TNRC18: variants seen among roughly 807,000 people sequenced by gnomAD.
The protein encoded by TNRC18 is trinucleotide repeat-containing gene 18 protein.
Under a neutral mutation model 226.7 loss-of-function variants are expected in TNRC18, and 69 were observed. That is an observed-to-expected ratio of 0.30 (90% CI 0.25 to 0.37). The LOEUF (loss-of-function observed/expected upper bound fraction) is 0.37. Ranked by LOEUF, TNRC18 falls within the 10% of genes least tolerant of loss-of-function variation. The probability of loss-of-function intolerance (pLI) is 1.00; values close to 1 mark genes in which losing one functional copy is unlikely to be tolerated. For missense variants in TNRC18, 4,754 were observed against 4,256.6 expected, an observed-to-expected ratio of 1.12 and a Z score of -3.25; for synonymous variants, 2,449 against 1,927.6, an observed-to-expected ratio of 1.27 and a Z score of -7.09.
At position 5,325,105 on chromosome 7, in the gene TNRC18, C is replaced by T. The variant is rs1005670985; in HGVS notation, c.6291G>A (p.Val2097=). ...RSKAKAKGKE[V]KKENRGKGGA... is the part of the protein sequence containing the mutation. ...GCACGGTGAGCCTCACCTCCTTCTTCACCTCCTTCCCTTTGGCCTTGGCTT... is the reference window on the plus strand; with the variant it reads ...GCACGGTGAGCCTCACCTCCTTCTTTACCTCCTTCCCTTTGGCCTTGGCTT... Residue 2097 remains valine, a synonymous_variant, in exon 20 of 30, where the codon GTG becomes GTA. Transcript: ENST00000430969. 3.9e-6 allele frequency: 6 copies of T among 1,550,036 alleles called. No individual in the cohort carries two copies. Among genetic ancestry groups the T allele is most frequent in the Non-Finnish European group, 5.2e-6 (6 of 1,147,122 alleles).
In TNRC18 at chr7:5,325,410, G is replaced by C; in HGVS notation, c.6148-162C>G. On this transcript the variant is annotated intron_variant, in intron 19 of 29. Transcript: ENST00000430969. ...TCTCTCTCTTCCTGCAAGCGTTTTT[G>C]GTTTTGGGTTTTTTTTTGTTTTTTT... 3 of 769,570 alleles carry C rather than the reference G, an allele frequency of 3.9e-6. No homozygotes were observed. In the South Asian group the frequency reaches 5.8e-5, roughly 15 times the overall value. The allele number at this position is 769,570 out of a possible 1,614,324, so 47.7% of individuals were successfully genotyped here. A position where few individuals can be genotyped will look rare whatever the true frequency, so the allele number is the denominator to read the frequency against.
chr7:5,406,476 T>G (rs1781471150), intron 2 of TNRC18, among the ~76,000 whole-genome samples: 1 of 147,588 alleles, frequency 6.8e-6, no homozygotes. Flanking sequence ...AAAAATTTTT[T>G]TTTAATGTTT....
intron 2 of TNRC18, among the ~76,000 whole-genome samples, chr7:5,406,539 C>T (rs1254026417): frequency 6.6e-6 from 1 of 150,762 alleles, no homozygotes; most frequent in African/African-American, 2.4e-5. Context: ...ACAGTACTCA[C>T]ATTCACAGAG....
chr7:5,331,736 C>T (rs945560232), intron 19 of TNRC18, among the ~76,000 whole-genome samples: 2 of 152,092 alleles, frequency 1.3e-5, no homozygotes, highest in Non-Finnish European at 2.9e-5. Flanking sequence ...GCAGCAAGAC[C>T]TTGTCTATAC....
At chr7:5,340,002 G>A (rs1277933258) in intron 18 of TNRC18, among the ~76,000 whole-genome samples, 2 of 152,032 alleles carry the variant, frequency 1.3e-5, no homozygotes, top group Non-Finnish European at 2.9e-5. Flanking sequence ...CCGAAATTAG[G>A]TCAATTAATA....
chr7:5,333,741 G>A (rs1370350157), intron 18 of TNRC18, among the ~76,000 whole-genome samples: 1 of 152,090 alleles, frequency 6.6e-6, no homozygotes, highest in Non-Finnish European at 1.5e-5. Flanking sequence ...CATCCCCTAT[G>A]CACAAAGCAC....
rs771293768 is a variant in TNRC18 at position 5,390,624 on chromosome 7, G to T, written c.348C>A (p.Phe116Leu). The T allele has an allele frequency of 1.2e-5, 19 of 1,566,790 alleles. No homozygotes were observed. The African/African-American group carries it at 2.3e-4, about 19-fold the overall frequency. Residue 116 changes from phenylalanine to leucine, a missense_variant, in exon 4 of 30, where the codon TTC (phenylalanine) becomes TTA (leucine). By Grantham distance (22) the Phe-to-Leu change is conservative (BLOSUM62 0). Coordinates refer to ENST00000430969, the MANE Select transcript of TNRC18 (RefSeq NM_001080495.3). ...QLWAAHAHEG[F>L]SHLPSGLYPS... is the part of the protein sequence containing the mutation. Reference sequence around the variant, plus strand: ...GGTACAGCCCACTGGGCAGGTGGGAGAAGCCTGTAACAGAAAAGAGAAAAG... The same window carrying T: ...GGTACAGCCCACTGGGCAGGTGGGATAAGCCTGTAACAGAAAAGAGAAAAG...
chr7:5,334,722 C>T (rs1789911753), intron 18 of TNRC18, among the ~76,000 whole-genome samples: 1 of 152,108 alleles, frequency 6.6e-6, no homozygotes, highest in Non-Finnish European at 1.5e-5. Flanking sequence ...CACCCCGTAA[C>T]AGTCCCCCCA....
chr7:5,312,661 C>A lies in TNRC18; in HGVS notation c.8230G>T (p.Gly2744Trp), dbSNP rs777967978. ...CTCTTCTTGGGTCGGCTCTTGGCCC[C>A]GGCCTGAGCCTTGGGCTGCAGAGGC... is the stretch of plus-strand genomic sequence containing the variant. The part of the protein sequence containing the change: ...TQPLQPKAQA[G>W]AKSRPKKREG... Residue 2744 changes from glycine to tryptophan, a missense_variant, in exon 27 of 30, where the codon GGG becomes TGG. By Grantham distance (184) the Gly-to-Trp change is radical. Coordinates refer to ENST00000430969, the MANE Select transcript of TNRC18 (RefSeq NM_001080495.3). This position sits in a 1 kb window ranked among gnomAD's most constrained non-coding sequence, Gnocchi z 6.3. The A allele has an allele frequency of 1.2e-6, 2 of 1,606,792 alleles. No individual in the cohort carries two copies. Among genetic ancestry groups the A allele is most frequent in the African/African-American group, 1.3e-5 (1 of 74,850 alleles).
rs1485751947 is a variant in TNRC18 at position 5,378,021 on chromosome 7, T to C, written c.2156A>G (p.His719Arg). 2 of 1,607,306 alleles carry C rather than the reference T, an allele frequency of 1.2e-6. No homozygotes were observed. The highest frequency in any genetic ancestry group is 2.2e-5 in the South Asian group (2 of 90,896). ...RSLSLSNVKG[H>R]GRADEDCVDD... ...CACACAGTCCTCATCTGCTCGGCCG[T>C]GCCCTGCAGGGGGCCAGGTGGAAGT... Residue 719 changes from histidine (H) to arginine (R), a missense_variant, in exon 6 of 30, where the codon CAC (histidine) becomes CGC (arginine). By Grantham distance (29) the His-to-Arg change is conservative. Transcript: ENST00000430969.
At chr7:5,333,679 G>GCCCAGCACCCA (rs1341229640) in intron 18 of TNRC18, among the ~76,000 whole-genome samples, 1 of 151,854 alleles carries the variant, frequency 6.6e-6, no homozygotes, top group Non-Finnish European at 1.5e-5. Flanking sequence ...CCCAGCACTC[G>GCCCAGCACCCA]CCCAGCACCC....
At chr7:5,385,846 G>A (rs2128189996) in intron 5 of TNRC18, among the ~76,000 whole-genome samples, 1 of 151,624 alleles carries the variant, frequency 6.6e-6, no homozygotes, top group African/African-American at 2.4e-5. Flanking sequence ...AGCTGGGCAT[G>A]GTGGCGTGCA....
At chr7:5,367,894 T>C (rs569956233) in intron 11 of TNRC18, among the ~76,000 whole-genome samples, 1 of 152,138 alleles carries the variant, frequency 6.6e-6, no homozygotes, top group Non-Finnish European at 1.5e-5. Context: ...CAGGCTTCCT[T>C]GAGGGCCATC....
chr7:5,364,935 T>C (rs1157206889), intron 11 of TNRC18, among the ~76,000 whole-genome samples: 1 of 151,814 alleles, frequency 6.6e-6, no homozygotes, highest in African/African-American at 2.4e-5. Context: ...TTGGACCTTA[T>C]AAAAACTGCC....
chr7:5,420,805 C>T (rs1388793744), intron 2 of TNRC18: 2 of 681,256 alleles, frequency 2.9e-6, no homozygotes, highest in Admixed American at 4.1e-5. Context: ...CCCCCGGTGG[C>T]TCGGGCTACC....
Position 5,370,682 on chromosome 7 carries a change from C to G in TNRC18, c.3912G>C (p.Gln1304His). Residue 1304 changes from glutamine to histidine, a missense_variant, in exon 11 of 30, where the codon CAG becomes CAC. Transcript: ENST00000430969. The part of the protein sequence containing the change: ...SDCDVPAGEG[Q>H]CPSLEPQEAV... ...CCTCTTGGGGCTCCAGGCTCGGGCACTGTCCCTCCCCGGCGGGCACGTCAC... is the reference window on the plus strand; with the variant it reads ...CCTCTTGGGGCTCCAGGCTCGGGCAGTGTCCCTCCCCGGCGGGCACGTCAC... 6.2e-7 allele frequency: 1 copy of G among 1,612,334 alleles called. No individual in the cohort carries two copies. Among genetic ancestry groups the G allele is most frequent in the Non-Finnish European group, 8.5e-7 (1 of 1,179,608 alleles).
intron 11 of TNRC18, among the ~76,000 whole-genome samples, chr7:5,367,409 A>G (rs1793721348): frequency 6.6e-6 from 1 of 151,726 alleles, no homozygotes; most frequent in Non-Finnish European, 1.5e-5. Flanking sequence ...AGGTGGGAAG[A>G]CCAAGGGAAT....
Position 5,377,589 on chromosome 7 carries a change from T to G in TNRC18, c.2256-13A>C, listed in dbSNP as rs1779081946. 3 of 1,564,290 alleles carry G rather than the reference T, an allele frequency of 1.9e-6. No individual in the cohort carries two copies. Among genetic ancestry groups the G allele is most frequent in the Non-Finnish European group, 2.6e-6 (3 of 1,153,786 alleles). ...CTCCTTACTCTCTCTGGAAGGAGGA[T>G]CATAGGTGTCAGCGACAGCTCGGAC... is the stretch of plus-strand genomic sequence containing the variant. On this transcript the variant is annotated splice_polypyrimidine_tract_variant and intron_variant, in intron 6 of 29. Transcript: ENST00000430969. This position sits in a 1 kb window ranked among gnomAD's most constrained non-coding sequence, Gnocchi z 5.8.
In TNRC18 at chr7:5,324,161, C is replaced by A. The variant is rs548036302; in HGVS notation, c.6442+53G>T. On this transcript the variant is annotated intron_variant, in intron 21 of 29. Transcript: ENST00000430969. This position sits in a 1 kb window ranked among gnomAD's most constrained non-coding sequence, Gnocchi z 4.8. ...AAGCCTTGCTCAGATCTGCCTCCCCCAAGGGAGGCTCCAGCAGCCCCGCCC... is the reference window on the plus strand; with the variant it reads ...AAGCCTTGCTCAGATCTGCCTCCCCAAAGGGAGGCTCCAGCAGCCCCGCCC... 1,990 of 1,535,220 alleles carry A rather than the reference C, an allele frequency of 1.3e-3. 22 individuals are homozygous for A. Among genetic ancestry groups the A allele is most frequent in the South Asian group, 0.011 (939 of 84,356 alleles).
Sources: gnomAD v4.1 joint callset for allele counts (sites outside exome capture counted in the v4.1 genomes callset) on GRCh38, gnomAD v4.1.1 for gene constraint, Gnocchi (gnomAD v3.1) non-coding constraint, MANE v1.5 for transcripts, NCBI Gene and HGNC (gene_info 2026-07-23, HGNC 2026-07-21) for gene names.